UACA: variants seen among roughly 807,000 people sequenced by gnomAD.
UACA encodes uveal autoantigen with coiled-coil domains and ankyrin repeats, also known as nuclear membrane binding protein.
UACA carries 112 observed loss-of-function variants against 160.5 expected under a neutral mutation model. The ratio of observed to expected loss-of-function variants is 0.70; its 90% CI spans 0.60 to 0.82. UACA has a LOEUF of 0.82. Ranked by LOEUF, UACA falls within the 40% of genes least tolerant of loss-of-function variation. The probability of loss-of-function intolerance (pLI) is 0.00; values close to 1 mark genes in which losing one functional copy is unlikely to be tolerated. For missense variants in UACA, 1,574 were observed against 1,614.6 expected (o/e 0.97, Z 0.43); for synonymous variants, 557 against 568.4 (o/e 0.98, Z 0.29).
intron 2 of UACA, among the ~76,000 whole-genome samples, chr15:70,697,052 C>T (rs565768794): frequency 6.6e-6 from 1 of 152,200 alleles, no homozygotes; most frequent in South Asian, 2.1e-4. Context: ...TACTATTTTG[C>T]AATTTAAAAA....
At chr15:70,759,454 G>C (rs1445489945) in intron 1 of UACA, among the ~76,000 whole-genome samples, 1 of 152,188 alleles carries the variant, frequency 6.6e-6, no homozygotes, top group Non-Finnish European at 1.5e-5. Flanking sequence ...TCAGAAGTTT[G>C]AGAACAGCCT....
At chr15:70,771,830 G>T in the UACA span, among the ~76,000 whole-genome samples, 1 of 152,186 alleles carries the variant, frequency 6.6e-6, no homozygotes, top group African/African-American at 2.4e-5. Flanking sequence ...CAATGCAACG[G>T]CCCTAAGCAG....
chr15:70,660,089 T>TTAAAA, intron 18 of UACA, 62 bp downstream of exon 18: 1 of 1,378,790 alleles, frequency 7.3e-7, no homozygotes, highest in East Asian at 2.4e-5. Context: ...TAAATTTATT[T>TTAAAA]GAAAATAAAA....
At chr15:70,769,040 C>G in the UACA span, among the ~76,000 whole-genome samples, 5 of 152,176 alleles carry the variant, frequency 3.3e-5, no homozygotes, top group Admixed American at 6.5e-5. Flanking sequence ...CAGAAGAACA[C>G]GGCAGACAGA....
rs551137775 is a variant in UACA at position 70,701,373 on chromosome 15, C to T, written c.79-1713G>A. 6.6e-5 allele frequency among the ~76,000 whole-genome samples: 10 copies of T among 152,278 alleles called. No homozygotes were observed. In the South Asian group the frequency reaches 2.1e-3, roughly 32 times the overall value. On this transcript the variant is annotated intron_variant, in intron 1 of 18. Coordinates refer to ENST00000322954, the MANE Select transcript of UACA (RefSeq NM_018003.4). ...TGGTCGTGGACATAAGCTTACAAGA[C>T]ATTGTGTTTTCAAATGCCTAAAGGA...
In UACA at chr15:70,662,810, C is replaced by T. The variant is rs548517925; in HGVS notation, c.4113+1852G>A. On this transcript the variant is annotated intron_variant, in intron 17 of 18. Coordinates refer to ENST00000322954, the MANE Select transcript of UACA (RefSeq NM_018003.4). ...GTGCTGGGAAAACTGGCTAGCCATA[C>T]GCAGAAAGCTGAAACTGGATCCCTT... 7.9e-3 allele frequency among the ~76,000 whole-genome samples: 1,204 copies of T among 152,074 alleles called. 7 individuals carry two copies. The highest frequency in any genetic ancestry group is 0.012 in the Non-Finnish European group (831 of 67,968).
intron 16 of UACA, among the ~76,000 whole-genome samples, chr15:70,665,919 T>C (rs756850026): frequency 2.8e-4 from 43 of 152,220 alleles, no homozygotes; most frequent in Non-Finnish European, 5.7e-4. Context: ...TTATATGTCA[T>C]ATCCATAGTA....
At chr15:70,695,640 C>T (rs773927386) in intron 2 of UACA, among the ~76,000 whole-genome samples, 2 of 152,112 alleles carry the variant, frequency 1.3e-5, no homozygotes, top group African/African-American at 4.8e-5. Flanking sequence ...CGCCTTCTTC[C>T]CAAACATTAC....
At chr15:70,660,994 C>G (rs1019062644) in intron 17 of UACA, 1 of 152,202 alleles carries the variant, frequency 6.6e-6, no homozygotes, top group African/African-American at 2.4e-5. Flanking sequence ...TCCATGGTTT[C>G]AGGCATCCAC....
At chr15:70,691,921 G>A (rs1025475385) in intron 3 of UACA, among the ~76,000 whole-genome samples, 3 of 152,098 alleles carry the variant, frequency 2.0e-5, no homozygotes, top group Non-Finnish European at 4.4e-5. Flanking sequence ...TGTATAAAAT[G>A]TGCATTTTAA....
chr15:70,657,145 A>T lies in UACA; in HGVS notation c.4180-18T>A, dbSNP rs764878454. 6.2e-7 allele frequency: 1 copy of T among 1,604,212 alleles called. No homozygotes were observed. Among genetic ancestry groups the T allele is most frequent in the South Asian group, 1.1e-5 (1 of 90,866 alleles). On this transcript the variant is annotated intron_variant, in intron 18 of 18. Coordinates refer to ENST00000322954, the MANE Select transcript of UACA (RefSeq NM_018003.4). ...ATGTGACCCTTCGGAGAAAGAAGAA[A>T]GAGGAGCATTATTTTATGTCATCTT...
At chr15:70,757,224 C>A (rs2030484279) in intron 1 of UACA, among the ~76,000 whole-genome samples, 1 of 152,068 alleles carries the variant, frequency 6.6e-6, no homozygotes, top group South Asian at 2.1e-4. Flanking sequence ...CCTTTGTTCC[C>A]TGTATGACAA....
At chr15:70,719,136 CAGAAGAGAAG>C (rs111651491) in intron 1 of UACA, among the ~76,000 whole-genome samples, 1 of 151,304 alleles carries the variant, frequency 6.6e-6, no homozygotes, top group Non-Finnish European at 1.5e-5. Context: ...GAGAAGAGAA[CAGAAGAGAAG>C]AGAAGAGAAG....
upstream of UACA, among the ~76,000 whole-genome samples, chr15:70,767,502 C>T (rs1051053282): frequency 6.6e-6 from 1 of 151,020 alleles, no homozygotes; most frequent in Non-Finnish European, 1.5e-5. Flanking sequence ...GCAGGAGAAT[C>T]GCTTGAACCC....
chr15:70,676,690 T>A, intron 12 of UACA, 99 bp from the exon 13 acceptor site: 1 of 904,752 alleles, frequency 1.1e-6, no homozygotes, highest in Non-Finnish European at 1.7e-6. Context: ...CATTGAGGAC[T>A]GGAGTTAATG....
At position 70,664,647 on chromosome 15, in the gene UACA, T is replaced by A. The variant is rs1334423438; in HGVS notation, c.4113+15A>T. On this transcript the variant is annotated intron_variant, in intron 17 of 18. Transcript: ENST00000322954. ...GCACATATTCCTGCAAAGCCCCGTG[T>A]GCCTGGTTACTCACGGCCAGCTGTT... 5.6e-6 allele frequency: 9 copies of A among 1,603,194 alleles called. No homozygotes were observed. The highest frequency in any genetic ancestry group is 7.7e-6 in the Non-Finnish European group (9 of 1,175,074).
intron 17 of UACA, among the ~76,000 whole-genome samples, chr15:70,663,324 A>G (rs935043299): frequency 9.2e-5 from 14 of 152,224 alleles, no homozygotes; most frequent in African/African-American, 3.4e-4. Flanking sequence ...ATCTCACACC[A>G]GTTAGAATGG....
intron 1 of UACA, among the ~76,000 whole-genome samples, chr15:70,761,413 A>C (rs2030746209): frequency 6.6e-6 from 1 of 152,168 alleles, no homozygotes; most frequent in African/African-American, 2.4e-5. Flanking sequence ...GAAAAAAAAA[A>C]AGGGTGGCCC....
intron 1 of UACA, among the ~76,000 whole-genome samples, chr15:70,746,252 A>G (rs910641817): frequency 3.9e-5 from 6 of 152,230 alleles, no homozygotes; most frequent in Admixed American, 2.6e-4. Flanking sequence ...AAGGGCTAAT[A>G]TCCAGAATCT....
Sources: gnomAD v4.1 joint callset for allele counts (sites outside exome capture counted in the v4.1 genomes callset) on GRCh38, gnomAD v4.1.1 for gene constraint, MANE v1.5 for transcripts, NCBI Gene and HGNC (gene_info 2026-07-23, HGNC 2026-07-21) for gene names.